TBC1D1: variants seen among roughly 807,000 people sequenced by gnomAD.
TBC1D1 encodes the protein TBC1 domain family member 1.
TBC1D1 carries 89 observed loss-of-function variants against 125.6 expected under a neutral mutation model. The observed-to-expected ratio is 0.71, with a 90% CI of 0.60 to 0.85. The LOEUF is 0.85. Ranked by LOEUF, TBC1D1 falls within the 40% of genes least tolerant of loss-of-function variation. TBC1D1 has a pLI of 0.00. For synonymous variants in TBC1D1, 565 were observed against 564.1 expected, an observed-to-expected ratio of 1.00 and a Z score of -0.02; for missense variants, 1,377 against 1,469.2, an observed-to-expected ratio of 0.94 and a Z score of 1.03.
intron 2 of TBC1D1, chr4:38,006,776 GC>G: frequency 4.1e-6 from 2 of 483,240 alleles, no homozygotes; most frequent in South Asian, 3.1e-5. Context: ...ACTGCGCCTG[GC>G]CCAACACTAT....
At chr4:38,135,676 A>G (rs948408152) in intron 19 of TBC1D1, among the ~76,000 whole-genome samples, 3 of 152,148 alleles carry the variant, frequency 2.0e-5, no homozygotes, top group Non-Finnish European at 2.9e-5. Context: ...AGATACCCCA[A>G]GTGGGACCAC....
intron 12 of TBC1D1, among the ~76,000 whole-genome samples, chr4:38,074,000 G>A (rs1296095828): frequency 6.6e-6 from 1 of 152,182 alleles, no homozygotes; most frequent in East Asian, 1.9e-4. Flanking sequence ...CATTGCCAAG[G>A]ATCTCTCTCA....
intron 2 of TBC1D1, among the ~76,000 whole-genome samples, chr4:37,953,817 G>C (rs1172236539): frequency 6.6e-6 from 1 of 152,166 alleles, no homozygotes; most frequent in African/African-American, 2.4e-5. Context: ...AGAAAATAAG[G>C]ATGAGTTCAG....
intron 13 of TBC1D1, among the ~76,000 whole-genome samples, chr4:38,094,018 T>C (rs1044557570): frequency 1.3e-5 from 2 of 152,266 alleles, no homozygotes; most frequent in Non-Finnish European, 2.9e-5. Context: ...TTACAGTTGA[T>C]GTTTTTTATT....
chr4:37,917,995 A>G (rs1432935809), intron 2 of TBC1D1, among the ~76,000 whole-genome samples: 1 of 152,228 alleles, frequency 6.6e-6, no homozygotes, highest in Non-Finnish European at 1.5e-5. Flanking sequence ...TAGAGCCCAT[A>G]GTTGCCCTGT....
intron 2 of TBC1D1, among the ~76,000 whole-genome samples, chr4:37,971,172 G>A (rs1731934329): frequency 6.6e-6 from 1 of 152,184 alleles, no homozygotes. Context: ...TCTCAGGAGT[G>A]CTGAGATGGT....
At position 38,003,904 on chromosome 4, in the gene TBC1D1, C is replaced by T. The variant is rs941153305; in HGVS notation, c.418-10605C>T. On this transcript the variant is annotated intron_variant, in intron 2 of 19. Coordinates refer to ENST00000261439, the MANE Select transcript of TBC1D1 (RefSeq NM_015173.4). ...AAAAAAAGAGTTGGCCTTTTCTTAC[C>T]TTACAAACATCAAGGTAACAGCTAG... Among the ~76,000 whole-genome samples, 3 of 151,272 alleles carry T rather than the reference C, an allele frequency of 2.0e-5. No homozygotes were observed. In the South Asian group the frequency reaches 6.3e-4, roughly 32 times the overall value.
rs368476086 is a variant in TBC1D1 at position 38,044,345 on chromosome 4, G to A, written c.1414-17G>A. 33 of 1,589,508 alleles carry A rather than the reference G, an allele frequency of 2.1e-5. No individual in the cohort carries two copies. Among genetic ancestry groups the A allele is most frequent in the East Asian group, 4.5e-5 (2 of 44,612 alleles). ...AGAAGGGAGCGATAAATGACTTTTC[G>A]TTTTTCACTTTTTTAGACATCGCAG... On this transcript the variant is annotated splice_polypyrimidine_tract_variant and intron_variant, in intron 8 of 19. Coordinates refer to ENST00000261439, the MANE Select transcript of TBC1D1 (RefSeq NM_015173.4).
chr4:38,053,294 G>A (rs1163002263), intron 11 of TBC1D1, 69 bp downstream of exon 13: 1 of 1,191,210 alleles, frequency 8.4e-7, no homozygotes, highest in South Asian at 3.3e-5. Context: ...ATATACAAGG[G>A]TGTTTTAATT....
chr4:37,970,171 T>C (rs1437273200), intron 2 of TBC1D1, among the ~76,000 whole-genome samples: 1 of 152,228 alleles, frequency 6.6e-6, no homozygotes, highest in Non-Finnish European at 1.5e-5. Context: ...GCTGGGTTGT[T>C]TCCACTCTTG....
At chr4:38,012,951 G>T (rs549658945) in intron 2 of TBC1D1, among the ~76,000 whole-genome samples, 15 of 152,106 alleles carry the variant, frequency 9.9e-5, no homozygotes, top group Middle Eastern at 3.4e-3. Flanking sequence ...CTGCCACCAC[G>T]CCCAGCTAAT....
chr4:37,976,111 C>T (rs947592588), intron 2 of TBC1D1, among the ~76,000 whole-genome samples: 17 of 152,156 alleles, frequency 1.1e-4, no homozygotes, highest in African/African-American at 4.1e-4. Context: ...TGGATTTGTG[C>T]ATTCTCTTGG....
intron 3 of TBC1D1, among the ~76,000 whole-genome samples, chr4:38,016,024 TACTG>T (rs1742641320): frequency 6.6e-6 from 1 of 152,206 alleles, no homozygotes; most frequent in South Asian, 2.1e-4. Context: ...TATTTATAAG[TACTG>T]ACTGTTTGAC....
chr4:38,025,875 G>A (rs1397324624), intron 6 of TBC1D1, among the ~76,000 whole-genome samples: 1 of 152,162 alleles, frequency 6.6e-6, no homozygotes, highest in Admixed American at 6.5e-5. Flanking sequence ...TTTGACAAAG[G>A]CGCCATCCTT....
intron 2 of TBC1D1, among the ~76,000 whole-genome samples, chr4:37,976,367 T>C (rs1733083556): frequency 6.6e-6 from 1 of 152,244 alleles, no homozygotes; most frequent in Non-Finnish European, 1.5e-5. Flanking sequence ...AAGATGCTCC[T>C]GGATTTCTGA....
intron 12 of TBC1D1, among the ~76,000 whole-genome samples, chr4:38,084,497 A>G (rs1757137470): frequency 2.0e-5 from 3 of 152,238 alleles, no homozygotes; most frequent in Admixed American, 6.5e-5. Context: ...TAGTAGAGGT[A>G]AAGCTGCTCA....
chr4:38,101,285 A>G (rs1391578632), intron 14 of TBC1D1, among the ~76,000 whole-genome samples: 2 of 152,196 alleles, frequency 1.3e-5, no homozygotes, highest in Non-Finnish European at 2.9e-5. Flanking sequence ...GGATGGAAAG[A>G]AAGATCAATG....
At chr4:37,932,271 TAGAG>T (rs1370658697) in intron 2 of TBC1D1, among the ~76,000 whole-genome samples, 4 of 152,182 alleles carry the variant, frequency 2.6e-5, no homozygotes, top group South Asian at 2.1e-4. Flanking sequence ...CCACTTAACT[TAGAG>T]AGGGTATAAA....
chr4:37,937,087 C>A (rs1724546810), intron 2 of TBC1D1, among the ~76,000 whole-genome samples: 1 of 152,180 alleles, frequency 6.6e-6, no homozygotes, highest in African/African-American at 2.4e-5. Flanking sequence ...CTAAGGGCAA[C>A]ACGCTGGCAC....
Sources: gnomAD v4.1 joint callset for allele counts (sites outside exome capture counted in the v4.1 genomes callset) on GRCh38, gnomAD v4.1.1 for gene constraint, MANE v1.5 for transcripts, NCBI Gene and HGNC (gene_info 2026-07-23, HGNC 2026-07-21) for gene names.